Variants in ALK observed in about 807,000 individuals in gnomAD.
The protein encoded by ALK is ALK tyrosine kinase receptor.
A neutral mutation model predicts 163.1 loss-of-function variants in ALK; 74 were observed. The observed-to-expected ratio is 0.45, with a 90% CI of 0.38 to 0.55. The LOEUF (loss-of-function observed/expected upper bound fraction) is 0.55. Among genes scored for constraint, ALK ranks in the 20% least tolerant of loss-of-function variants. The pLI is 0.00. For missense variants in ALK, 2,063 were observed against 2,105.3 expected, an observed-to-expected ratio of 0.98 and a Z score of 0.39; for synonymous variants, 960 against 843.2, an observed-to-expected ratio of 1.14 and a Z score of -2.40.
intron 5 of ALK, among the ~76,000 whole-genome samples, chr2:29,345,414 T>TTAAATAAATAAA (rs373752148): frequency 6.8e-6 from 1 of 147,476 alleles, no homozygotes; most frequent in Non-Finnish European, 1.5e-5. Flanking sequence ...CTGTCTTAAT[T>TTAAATAAATAAA]TAAATAAATA....
chr2:29,637,344 T>C (rs980324057), intron 3 of ALK, among the ~76,000 whole-genome samples: 1 of 152,186 alleles, frequency 6.6e-6, no homozygotes, highest in East Asian at 1.9e-4. Flanking sequence ...ACAGGTTTTA[T>C]GCCTTACGAC....
chr2:29,446,815 C>T (rs1670696816), intron 4 of ALK, among the ~76,000 whole-genome samples: 1 of 152,194 alleles, frequency 6.6e-6, no homozygotes, highest in Non-Finnish European at 1.5e-5. Context: ...TCTGTATCTT[C>T]ACAAGAATCA....
intron 5 of ALK, among the ~76,000 whole-genome samples, chr2:29,364,353 T>C (rs1202094904): frequency 1.3e-5 from 2 of 152,150 alleles, no homozygotes; most frequent in South Asian, 2.1e-4. Flanking sequence ...CTCTGCATCA[T>C]GGGTCGGAGG....
At chr2:29,464,733 T>C (rs1208405695) in intron 4 of ALK, among the ~76,000 whole-genome samples, 2 of 152,176 alleles carry the variant, frequency 1.3e-5, no homozygotes, top group Non-Finnish European at 2.9e-5. Context: ...GAAGGTGCTA[T>C]TGGCATCCAA....
chr2:29,636,171 C>T (rs1676521166), intron 3 of ALK, among the ~76,000 whole-genome samples: 1 of 152,054 alleles, frequency 6.6e-6, no homozygotes, highest in African/African-American at 2.4e-5. Flanking sequence ...GAGGAATATA[C>T]ACATAGATCA....
At chr2:29,830,942 GAA>G (rs1349773894) in intron 1 of ALK, among the ~76,000 whole-genome samples, 4 of 63,496 alleles carry the variant, frequency 6.3e-5, no homozygotes, top group African/African-American at 2.8e-4. Context: ...AGAAGAAGAA[GAA>G]AAGAAGAAGA....
rs1179022316 is a variant in ALK, at chr2:29,402,959, G to A, written c.1155-19100C>T. 3.9e-5 allele frequency among the ~76,000 whole-genome samples: 6 copies of A among 152,034 alleles called. No homozygotes were observed. In the East Asian group the frequency reaches 1.2e-3, roughly 29 times the overall value. On this transcript the variant is annotated intron_variant, in intron 4 of 28. Transcript: ENST00000389048. ...AGATCTCCTAGATTCTGTAGGTTGT[G>A]GCTCAAAGCAGCTGGTTGTTTTGAA...
At chr2:29,363,019 G>A (rs1361316592) in intron 5 of ALK, among the ~76,000 whole-genome samples, 1 of 152,176 alleles carries the variant, frequency 6.6e-6, no homozygotes, top group Non-Finnish European at 1.5e-5. Context: ...TTCTGGGAAT[G>A]TTTTCATCAA....
intron 4 of ALK, among the ~76,000 whole-genome samples, chr2:29,388,230 G>A (rs1015102798): frequency 6.6e-6 from 1 of 152,306 alleles, no homozygotes; most frequent in Non-Finnish European, 1.5e-5. Flanking sequence ...TGACTCAGGA[G>A]GGCAAAGGCA....
chr2:29,193,246 C>A lies in ALK; in HGVS notation c.4841G>T (p.Ser1614Ile), dbSNP rs2148136939. ...AGCTCAGGGCCCAGGCTGGTTCATG[C>A]TATTCTTGCTTTTCAGAATGGTATC... ...YEDTILKSKNSMNQPGP is the reference protein window; with the variant it reads ...YEDTILKSKNIMNQPGP The change falls in exon 29 of 29, where the codon AGC becomes ATC. Residue 1614 changes from serine to isoleucine, a missense_variant. Coordinates refer to ENST00000389048, the MANE Select transcript of ALK (RefSeq NM_004304.5). 6.2e-7 allele frequency: 1 copy of A among 1,614,148 alleles called. No homozygotes were observed. Among genetic ancestry groups the A allele is most frequent in the Non-Finnish European group, 8.5e-7 (1 of 1,180,014 alleles).
intron 3 of ALK, among the ~76,000 whole-genome samples, chr2:29,621,507 C>T (rs1676036893): frequency 6.6e-6 from 1 of 152,108 alleles, no homozygotes; most frequent in Non-Finnish European, 1.5e-5. Context: ...TTTCACACTC[C>T]ATGTAGAAGG....
chr2:29,680,687 T>G (rs981585708), intron 3 of ALK, among the ~76,000 whole-genome samples: 1 of 152,108 alleles, frequency 6.6e-6, no homozygotes, highest in Non-Finnish European at 1.5e-5. Flanking sequence ...CTAAATCCAA[T>G]AGTTGAGGAC....
chr2:29,397,596 G>A (rs1167679577), intron 4 of ALK, among the ~76,000 whole-genome samples: 2 of 152,210 alleles, frequency 1.3e-5, no homozygotes, highest in Non-Finnish European at 2.9e-5. Context: ...GCAGACTTCG[G>A]ATGAATGGTA....
At chr2:29,805,266 G>A (rs1395796421) in intron 1 of ALK, among the ~76,000 whole-genome samples, 1 of 152,180 alleles carries the variant, frequency 6.6e-6, no homozygotes, top group Non-Finnish European at 1.5e-5. Flanking sequence ...TATACAAATA[G>A]GCTCGAGCTC....
chr2:29,390,314 C>T (rs939918963), intron 4 of ALK, among the ~76,000 whole-genome samples: 9 of 152,198 alleles, frequency 5.9e-5, no homozygotes, highest in Admixed American at 1.3e-4. Context: ...CCCAAACTCA[C>T]GGGTGAGATC....
rs768347719 is a variant in ALK, at chr2:29,233,628, G to A, written c.2424C>T (p.Asn808=). 1 of 1,614,198 alleles carries A rather than the reference G, an allele frequency of 6.2e-7. No homozygotes were observed. Among genetic ancestry groups the A allele is most frequent in the East Asian group, 2.2e-5 (1 of 44,890 alleles). Residue 808 remains asparagine, a synonymous_variant, in exon 14 of 29, where the codon AAC becomes AAT. Transcript: ENST00000389048. Reference sequence around the variant, plus strand: ...CTCCTGCCCACTCATGCACGCTTCTGTTCACACGGATTTCTTCTTCTATCA... The same window carrying A: ...CTCCTGCCCACTCATGCACGCTTCTATTCACACGGATTTCTTCTTCTATCA... ...NNVIEEEIRV[N]RSVHEWAGGG... is the part of the protein sequence containing the mutation.
intron 5 of ALK, among the ~76,000 whole-genome samples, chr2:29,354,429 G>T (rs1363809830): frequency 6.6e-6 from 1 of 152,190 alleles, no homozygotes; most frequent in Non-Finnish European, 1.5e-5. Flanking sequence ...GTCTGTGAGG[G>T]TTGAGCTGAA....
chr2:29,776,164 T>C (rs1402373079), intron 1 of ALK, among the ~76,000 whole-genome samples: 1 of 147,398 alleles, frequency 6.8e-6, no homozygotes, highest in Non-Finnish European at 1.5e-5. Flanking sequence ...GGAAGAAGCA[T>C]GACATATGTA....
chr2:29,522,496 C>T (rs1672841373), intron 4 of ALK, among the ~76,000 whole-genome samples: 1 of 152,184 alleles, frequency 6.6e-6, no homozygotes, highest in African/African-American at 2.4e-5. Context: ...GCCTCATTCT[C>T]TCCCTGTCTT....
Sources: allele counts gnomAD v4.1 joint callset (sites outside exome capture counted in the v4.1 genomes callset), GRCh38; gene constraint gnomAD v4.1.1; transcripts MANE v1.5; gene names NCBI Gene and HGNC (gene_info 2026-07-23, HGNC 2026-07-21).